LRP2: variants seen among roughly 807,000 people sequenced by gnomAD.
LRP2 encodes low-density lipoprotein receptor-related protein 2.
A neutral mutation model predicts 531.0 loss-of-function variants in LRP2; 172 were observed. That is an observed-to-expected ratio of 0.32 (90% CI 0.29 to 0.37). The LOEUF is 0.37. Ranked by LOEUF, LRP2 falls within the 10% of genes least tolerant of loss-of-function variation. The pLI is 1.00. For missense variants in LRP2, 5,167 were observed against 5,868.3 expected (o/e 0.88, Z 3.90); for synonymous variants, 1,992 against 2,027.6 (o/e 0.98, Z 0.47).
At chr2:169,208,998 T>A (rs1688501333) in intron 38 of LRP2, among the ~76,000 whole-genome samples, 1 of 152,200 alleles carries the variant, frequency 6.6e-6, no homozygotes, top group Non-Finnish European at 1.5e-5. Context: ...TCTCATGATC[T>A]AAGGGATTTT....
Position 169,280,569 on chromosome 2 carries a change from G to A in LRP2, c.1172-50C>T, listed in dbSNP as rs111692887. Reference sequence around the variant, plus strand: ...ACCACTCCTTCAGATGAGCAAGGATGGTGAAGTAGCTTACAAATGATATGC... The same window carrying A: ...ACCACTCCTTCAGATGAGCAAGGATAGTGAAGTAGCTTACAAATGATATGC... On this transcript the variant is annotated intron_variant, in intron 10 of 78. Transcript: ENST00000649046. The A allele has an allele frequency of 4.5e-6, 7 of 1,566,266 alleles. No homozygotes were observed. The African/African-American group carries it at 8.1e-5, about 18-fold the overall frequency.
intron 16 of LRP2, among the ~76,000 whole-genome samples, chr2:169,267,014 A>G (rs1368258843): frequency 2.0e-5 from 3 of 151,316 alleles, no homozygotes; most frequent in African/African-American, 7.3e-5. Flanking sequence ...CAGCCTCCCA[A>G]GTAGTGGGGA....
chr2:169,234,576 C>A (rs371514882), intron 29 of LRP2, among the ~76,000 whole-genome samples: 1 of 152,136 alleles, frequency 6.6e-6, no homozygotes. Flanking sequence ...AATAGTGCTG[C>A]AATAACATAT....
At chr2:169,341,085 A>G (rs1233603287) in intron 1 of LRP2, among the ~76,000 whole-genome samples, 1 of 152,202 alleles carries the variant, frequency 6.6e-6, no homozygotes, top group East Asian at 1.9e-4. Context: ...AGAGGTTCAG[A>G]TAACATTCAG....
At chr2:169,264,288 T>C (rs939151389) in intron 16 of LRP2, among the ~76,000 whole-genome samples, 2 of 151,780 alleles carry the variant, frequency 1.3e-5, no homozygotes, top group African/African-American at 4.8e-5. Flanking sequence ...AAAAGGTAGG[T>C]TGCTCAGCAT....
intron 33 of LRP2, 108 bp downstream of exon 33, chr2:169,225,202 T>C (rs1038797831): frequency 1.7e-6 from 2 of 1,204,508 alleles, no homozygotes; most frequent in African/African-American, 1.5e-5. Flanking sequence ...TCCCTTTTTC[T>C]TTTTGCTTAA....
chr2:169,220,429 A>G (rs1389291740), intron 34 of LRP2, 25 bp downstream of exon 34: 2 of 1,509,888 alleles, frequency 1.3e-6, no homozygotes, highest in Non-Finnish European at 1.8e-6. Flanking sequence ...TGCATGGAAG[A>G]CACGTGCCAT....
intron 58 of LRP2, 122 bp from the exon 59 acceptor site, chr2:169,170,789 G>C (rs1350668064): frequency 5.3e-6 from 4 of 761,484 alleles, no homozygotes; most frequent in Non-Finnish European, 9.6e-6. Flanking sequence ...CCCCAGAGGT[G>C]TGCTTGGGCA....
rs777850395 is a variant in LRP2 at position 169,177,824 on chromosome 2, G to T, written c.10372C>A (p.His3458Asn). Residue 3458 changes from histidine (H) to asparagine (N), a missense_variant, in exon 53 of 79, where the codon CAT becomes AAT. Physicochemically the swap from His to Asn is moderately conservative, Grantham distance 68. Coordinates refer to ENST00000649046, the MANE Select transcript of LRP2 (RefSeq NM_004525.3). ...THRPFDIHVY[H>N]PYRQPIVSNP... ...TCACCAATGGGCTGCCTATATGGAT[G>T]GTACACATGGATGTCAAATGGTCTG... is the stretch of plus-strand genomic sequence containing the variant. The T allele has an allele frequency of 6.2e-7, 1 of 1,614,180 alleles. No homozygotes were observed. Among genetic ancestry groups the T allele is most frequent in the Non-Finnish European group, 8.5e-7 (1 of 1,180,014 alleles).
intron 12 of LRP2, among the ~76,000 whole-genome samples, chr2:169,278,535 A>G (rs62173979): frequency 0.058 from 8,821 of 152,064 alleles, 266 homozygotes; most frequent in South Asian, 0.11. Context: ...TGTTTCCTTT[A>G]TTTGTCCTTT....
chr2:169,324,496 A>T (rs1229830423), intron 1 of LRP2, among the ~76,000 whole-genome samples: 1 of 152,192 alleles, frequency 6.6e-6, no homozygotes, highest in Non-Finnish European at 1.5e-5. Flanking sequence ...TTAAAAAATT[A>T]TTGGGCTTAG....
At position 169,244,750 on chromosome 2, in the gene LRP2, T is replaced by C. The variant is rs764344689; in HGVS notation, c.3373A>G (p.Asn1125Asp). 6.2e-7 allele frequency: 1 copy of C among 1,614,194 alleles called. No individual in the cohort carries two copies. Among genetic ancestry groups the C allele is most frequent in the Non-Finnish European group, 8.5e-7 (1 of 1,180,018 alleles). The change falls in exon 22 of 79, where the codon AAC becomes GAC. Residue 1125 changes from asparagine (N) to aspartate (D), a missense_variant. Physicochemically the swap from Asn to Asp is conservative, Grantham distance 23. Coordinates refer to ENST00000649046, the MANE Select transcript of LRP2 (RefSeq NM_004525.3). Reference protein sequence around the residue: ...TCDNHQCISKNWVCDTDNDCG... With the variant: ...TCDNHQCISKDWVCDTDNDCG... ...TCATTGTCTGTGTCACAGACCCAGTTCTTTGAGATACACTGGTGATTATCA... is the reference window on the plus strand; with the variant it reads ...TCATTGTCTGTGTCACAGACCCAGTCCTTTGAGATACACTGGTGATTATCA...
At position 169,262,629 on chromosome 2, in the gene LRP2, A is replaced by C. The variant is rs370998440; in HGVS notation, c.2321-3412T>G. ...ACAAATGGAAGAACATTCCATGCTC[A>C]TGGGTAGGAAGAATCAATATCGTGA... is the stretch of plus-strand genomic sequence containing the variant. On this transcript the variant is annotated intron_variant, in intron 16 of 78. Transcript: ENST00000649046. 4.0e-5 allele frequency among the ~76,000 whole-genome samples: 6 copies of C among 150,494 alleles called. No individual in the cohort carries two copies. In the East Asian group the frequency reaches 1.2e-3, roughly 29 times the overall value.
intron 37 of LRP2, among the ~76,000 whole-genome samples, chr2:169,210,943 T>C (rs1688570300): frequency 6.6e-6 from 1 of 152,262 alleles, no homozygotes; most frequent in Non-Finnish European, 1.5e-5. Flanking sequence ...TGTTAACAAC[T>C]GTTAAATCTT....
chr2:169,339,709 C>G (rs1415977368), intron 1 of LRP2, among the ~76,000 whole-genome samples: 1 of 152,134 alleles, frequency 6.6e-6, no homozygotes, highest in Non-Finnish European at 1.5e-5. Flanking sequence ...TTATTAGTAT[C>G]TACAATTTTA....
intron 4 of LRP2, among the ~76,000 whole-genome samples, chr2:169,303,230 T>A (rs1288813408): frequency 6.6e-6 from 1 of 152,142 alleles, no homozygotes; most frequent in Non-Finnish European, 1.5e-5. Flanking sequence ...GACAATAATA[T>A]GTAAAAATAA....
chr2:169,204,519 A>G (rs1688311732), intron 41 of LRP2, among the ~76,000 whole-genome samples: 1 of 152,228 alleles, frequency 6.6e-6, no homozygotes, highest in Admixed American at 6.5e-5. Context: ...AATCAGGTTG[A>G]TATTAGAAAC....
Position 169,141,765 on chromosome 2 carries a change from G to T in LRP2, c.13108+909C>A, listed in dbSNP as rs74502570. 7.9e-3 allele frequency among the ~76,000 whole-genome samples: 1,196 copies of T among 152,222 alleles called. 22 individuals are homozygous for T. Among genetic ancestry groups the T allele is most frequent in the African/African-American group, 0.027 (1,128 of 41,528 alleles). ...TCTCAAAGCCTGAAATTGTCATTTT[G>T]TTCCAAATATGGCTCGAAATATTGG... is the stretch of plus-strand genomic sequence containing the variant. On this transcript the variant is annotated intron_variant, in intron 71 of 78. Coordinates refer to ENST00000649046, the MANE Select transcript of LRP2 (RefSeq NM_004525.3).
At chr2:169,167,503 G>A (rs1332236154) in intron 61 of LRP2, among the ~76,000 whole-genome samples, 1 of 152,060 alleles carries the variant, frequency 6.6e-6, no homozygotes, top group African/African-American at 2.4e-5. Context: ...TCATTTGAGG[G>A]GCCTGTTAAT....
Sources: allele counts gnomAD v4.1 joint callset (sites outside exome capture counted in the v4.1 genomes callset), GRCh38; gene constraint gnomAD v4.1.1; transcripts MANE v1.5; gene names NCBI Gene and HGNC (gene_info 2026-07-23, HGNC 2026-07-21).